The following PDE4D variants were observed in gnomAD, a reference collection of about 807,000 sequenced individuals.
PDE4D encodes phosphodiesterase 4D.
A neutral mutation model predicts 87.4 loss-of-function variants in PDE4D; 24 were observed. The ratio of observed to expected loss-of-function variants is 0.27; its 90% confidence interval spans 0.20 to 0.39. PDE4D has a LOEUF of 0.39. Ranked by LOEUF, PDE4D falls within the 10% of genes least tolerant of loss-of-function variation. The pLI is 1.00. For synonymous variants in PDE4D, 384 were observed against 383.2 expected (o/e 1.00, Z -0.02); for missense variants, 714 against 1,041.0 (o/e 0.69, Z 4.32).
At chr5:59,550,671 AG>A (rs1485422686) in intron 1 of PDE4D, among the ~76,000 whole-genome samples, 1 of 151,272 alleles carries the variant, frequency 6.6e-6, no homozygotes, top group African/African-American at 2.4e-5. Flanking sequence ...CCTGGAAGAA[AG>A]GTCATTTTTT....
chr5:59,691,576 G>A (rs1366162927), intron 1 of PDE4D, among the ~76,000 whole-genome samples: 2 of 141,792 alleles, frequency 1.4e-5, no homozygotes, highest in African/African-American at 2.6e-5. Context: ...GTCATGGAGT[G>A]GGGGGAGGGG....
chr5:60,446,344 T>C (rs1316334522), intron 1 of PDE4D, among the ~76,000 whole-genome samples: 1 of 152,168 alleles, frequency 6.6e-6, no homozygotes. Flanking sequence ...ATTTTTACAG[T>C]AGCAAAATAT....
At chr5:59,078,792 G>C (rs1766155655) in intron 5 of PDE4D, among the ~76,000 whole-genome samples, 1 of 152,178 alleles carries the variant, frequency 6.6e-6, no homozygotes, top group South Asian at 2.1e-4. Context: ...TGAGATTACA[G>C]GTGTGAGCCA....
chr5:59,922,466 G>C (rs1372947568), intron 3 of PDE4D, among the ~76,000 whole-genome samples: 1 of 152,130 alleles, frequency 6.6e-6, no homozygotes, highest in African/African-American at 2.4e-5. Flanking sequence ...CTAAGGAGAG[G>C]AGAGGGAAGA....
At chr5:60,175,705 A>G (rs952640294) in intron 2 of PDE4D, among the ~76,000 whole-genome samples, 1 of 151,994 alleles carries the variant, frequency 6.6e-6, no homozygotes, top group East Asian at 1.9e-4. Flanking sequence ...TTTACTCAAC[A>G]CTTGTTAGGC....
intron 1 of PDE4D, among the ~76,000 whole-genome samples, chr5:60,323,482 A>G (rs917381222): frequency 1.3e-5 from 2 of 151,930 alleles, no homozygotes; most frequent in African/African-American, 2.4e-5. Flanking sequence ...ACTTCCCTCC[A>G]TCCTTATACC....
chr5:60,337,712 T>A (rs1470249672), intron 1 of PDE4D, among the ~76,000 whole-genome samples: 4 of 152,058 alleles, frequency 2.6e-5, no homozygotes, highest in African/African-American at 9.7e-5. Context: ...TCCCTTAGTA[T>A]CACCAGAGTA....
chr5:60,437,135 G>A (rs368718311), intron 1 of PDE4D, among the ~76,000 whole-genome samples: 1 of 151,890 alleles, frequency 6.6e-6, no homozygotes, highest in Admixed American at 6.6e-5. Flanking sequence ...ACTCTATCTG[G>A]TTGTTGTGAT....
rs530589067 is a variant in PDE4D at position 59,775,101 on chromosome 5, T to C, written c.455+118067A>G. On this transcript the variant is annotated intron_variant, in intron 1 of 14. Transcript: ENST00000340635. ...CCTCCTAATATAGTCATTCTAAAAA[T>C]TCTAAGGGAAATTACTTCTAATTAT... Among the ~76,000 whole-genome samples the C allele has an allele frequency of 4.6e-5, 7 of 152,266 alleles. 1 individual carries two copies. The highest frequency in any genetic ancestry group is 1.7e-4 in the African/African-American group (7 of 41,552).
intron 1 of PDE4D, among the ~76,000 whole-genome samples, chr5:59,423,019 T>C (rs2153628073): frequency 6.6e-6 from 1 of 152,336 alleles, no homozygotes; most frequent in East Asian, 1.9e-4. Context: ...AAATAATCAC[T>C]TGTTTCTCTC....
intron 2 of PDE4D, among the ~76,000 whole-genome samples, chr5:60,045,400 C>A (rs189304452): frequency 6.6e-6 from 1 of 152,296 alleles, no homozygotes; most frequent in Non-Finnish European, 1.5e-5. Flanking sequence ...GCTTTGGTTG[C>A]CATGGCTTTT....
rs188198740 is a variant in PDE4D, at chr5:59,046,010, G to T, written c.809-7039C>A. On this transcript the variant is annotated intron_variant, in intron 5 of 14. Transcript: ENST00000340635. ...ACAGAAGGACTGCCCAATGTGACTT[G>T]AAAGGGAGTGGACTTCTTGCTCTTA... Among the ~76,000 whole-genome samples the T allele has an allele frequency of 5.1e-3, 775 of 152,330 alleles. 10 individuals are homozygous for T. Among genetic ancestry groups the T allele is most frequent in the African/African-American group, 0.018 (739 of 41,570 alleles).
At chr5:60,114,968 G>A (rs934654352) in intron 2 of PDE4D, among the ~76,000 whole-genome samples, 21 of 134,918 alleles carry the variant, frequency 1.6e-4, no homozygotes, top group Non-Finnish European at 2.5e-4. Context: ...ATGGATGGAT[G>A]GATGGATGGA....
intron 1 of PDE4D, among the ~76,000 whole-genome samples, chr5:59,730,140 C>T (rs1757172029): frequency 6.6e-6 from 1 of 151,998 alleles, no homozygotes; most frequent in South Asian, 2.1e-4. Context: ...TACTGCAGAC[C>T]TAGTAATATA....
intron 1 of PDE4D, among the ~76,000 whole-genome samples, chr5:59,718,614 C>T (rs1052925494): frequency 1.3e-5 from 2 of 152,246 alleles, no homozygotes; most frequent in South Asian, 2.1e-4. Flanking sequence ...GATTCTTTGA[C>T]TCCTTTGCAG....
intron 1 of PDE4D, among the ~76,000 whole-genome samples, chr5:59,376,399 C>G (rs141843671): frequency 0.013 from 1,950 of 152,216 alleles, 43 homozygotes; most frequent in African/African-American, 0.045. Flanking sequence ...AATAGTCAAG[C>G]TGAGAGCCAA....
At chr5:59,114,608 C>T (rs1374459791) in intron 5 of PDE4D, among the ~76,000 whole-genome samples, 1 of 151,866 alleles carries the variant, frequency 6.6e-6, no homozygotes, top group Non-Finnish European at 1.5e-5. Flanking sequence ...GGAAGACACA[C>T]AGAGTGAGGA....
intron 1 of PDE4D, among the ~76,000 whole-genome samples, chr5:59,861,380 C>T (rs1581469520): frequency 6.6e-6 from 1 of 152,182 alleles, no homozygotes; most frequent in African/African-American, 2.4e-5. Context: ...AGTTTCCAAG[C>T]GAATTGTTAG....
chr5:60,408,466 C>T (rs867056694), intron 1 of PDE4D, among the ~76,000 whole-genome samples: 8 of 152,310 alleles, frequency 5.3e-5, no homozygotes, highest in Middle Eastern at 6.8e-3. Context: ...CAGCACACAA[C>T]TTGACAATTA....
Sources: gnomAD v4.1 joint callset for allele counts (sites outside exome capture counted in the v4.1 genomes callset) on GRCh38, gnomAD v4.1.1 for gene constraint, MANE v1.5 for transcripts, NCBI Gene and HGNC (gene_info 2026-07-23, HGNC 2026-07-21) for gene names.